The following TNRC6B variants were observed in gnomAD, a reference collection of about 807,000 sequenced individuals.
The protein encoded by TNRC6B is trinucleotide repeat-containing gene 6B protein.
In TNRC6B, 52 loss-of-function variants were observed where a neutral mutation model predicts 203.6. The observed-to-expected ratio is 0.26, with a 90% CI of 0.20 to 0.32. The LOEUF (loss-of-function observed/expected upper bound fraction) is 0.32. Among genes scored for constraint, TNRC6B ranks in the 10% least tolerant of loss-of-function variants. TNRC6B has a pLI of 1.00. For missense variants in TNRC6B, 1,923 were observed against 2,286.2 expected (o/e 0.84, Z 3.24); for synonymous variants, 838 against 845.7 (o/e 0.99, Z 0.16).
Position 40,322,967 on chromosome 22 carries a change from C to A in TNRC6B, c.5228C>A (p.Ala1743Asp). The A allele has an allele frequency of 1.2e-6, 2 of 1,612,776 alleles. No individual in the cohort carries two copies. Among genetic ancestry groups the A allele is most frequent in the Non-Finnish European group, 1.7e-6 (2 of 1,179,342 alleles). Residue 1743 changes from alanine (A) to aspartate (D), a missense_variant, in exon 23 of 23, where the codon GCT (alanine) becomes GAT (aspartate). By Grantham distance (126) the Ala-to-Asp change is moderately radical. Coordinates refer to ENST00000454349, the MANE Select transcript of TNRC6B (RefSeq NM_001162501.2). ...PTPAATPSAP[A>D]AGWQSLETGQ... is the part of the protein sequence containing the mutation. ...CCTGCAGCAACCCCAAGTGCGCCAG[C>A]TGCGGGGTGGCAGTCGCTGGAGACC...
chr22:40,145,431 A>G (rs898605659), intron 3 of TNRC6B, among the ~76,000 whole-genome samples: 6 of 152,184 alleles, frequency 3.9e-5, no homozygotes, highest in African/African-American at 7.2e-5. Flanking sequence ...CTGACTTCTC[A>G]GCTTTCAAAA....
At chr22:40,230,085 T>C (rs899914275) in intron 1 of TNRC6B, among the ~76,000 whole-genome samples, 6 of 152,154 alleles carry the variant, frequency 3.9e-5, no homozygotes, top group Admixed American at 1.3e-4. Context: ...CATGAGAGAG[T>C]TCCATTTGTT....
intron 16 of TNRC6B, 125 bp from the exon 17 acceptor site, chr22:40,310,692 T>C: frequency 2.1e-6 from 2 of 967,286 alleles, no homozygotes; most frequent in East Asian, 2.7e-5. Flanking sequence ...CAACCTCTTA[T>C]TCCAGTGCTG....
At chr22:40,085,103 G>A (rs1173690368) in intron 1 of TNRC6B, among the ~76,000 whole-genome samples, 1 of 152,204 alleles carries the variant, frequency 6.6e-6, no homozygotes, top group Admixed American at 6.5e-5. Context: ...TCAATAGCCT[G>A]TGGAAAGGCT....
rs1441059524 is a variant in TNRC6B, at chr22:40,321,201, G to C, written c.5086G>C (p.Ala1696Pro). The C allele has an allele frequency of 6.2e-7, 1 of 1,613,814 alleles. No homozygotes were observed. The highest frequency in any genetic ancestry group is 2.2e-5 in the East Asian group (1 of 44,898). Reference protein sequence around the residue: ...ALIRYSTKQEAAKAQTALHMC... With the variant: ...ALIRYSTKQEPAKAQTALHMC... ...GATCCGATACAGCACCAAACAGGAG[G>C]CGGCCAAGGCCCAAACTGCACTGCA... The change falls in exon 22 of 23, where the codon GCG becomes CCG. Residue 1696 changes from alanine (A) to proline (P), a missense_variant. Around this residue, in one of 8 missense-constraint regions of TNRC6B, gnomAD observed 34 missense variants for 98.5 expected, o/e 0.35. Coordinates refer to ENST00000454349, the MANE Select transcript of TNRC6B (RefSeq NM_001162501.2).
At chr22:40,117,230 TACAG>T (rs2068395810) in intron 2 of TNRC6B, 2 of 152,440 alleles carry the variant, frequency 1.3e-5, no homozygotes, top group African/African-American at 2.4e-5. Context: ...ACCAAGTTCT[TACAG>T]AAAGATATTT....
intron 3 of TNRC6B, among the ~76,000 whole-genome samples, chr22:40,144,666 C>G (rs1438928833): frequency 1.5e-5 from 2 of 135,966 alleles, no homozygotes; most frequent in Non-Finnish European, 3.1e-5. Flanking sequence ...CAGAGCAAGA[C>G]TCCGTCTCGG....
chr22:40,274,002 A>C (rs1414662373), intron 7 of TNRC6B, among the ~76,000 whole-genome samples: 1 of 152,146 alleles, frequency 6.6e-6, no homozygotes, highest in Non-Finnish European at 1.5e-5. Context: ...TCAAGGTCCT[A>C]AGTAAGGGGA....
chr22:40,319,873 C>T (rs534446811), intron 21 of TNRC6B, among the ~76,000 whole-genome samples: 2 of 152,290 alleles, frequency 1.3e-5, no homozygotes, highest in Admixed American at 6.5e-5. Context: ...GTGTTCCCCT[C>T]AGATAAAAGG....
At chr22:40,138,161 G>C (rs1487857734) in intron 3 of TNRC6B, among the ~76,000 whole-genome samples, 1 of 152,218 alleles carries the variant, frequency 6.6e-6, no homozygotes, top group Non-Finnish European at 1.5e-5. Context: ...GACAGGAGAA[G>C]CATACAGGAA....
chr22:40,295,615 C>G (rs1194377977), intron 12 of TNRC6B, among the ~76,000 whole-genome samples: 2 of 151,890 alleles, frequency 1.3e-5, no homozygotes, highest in African/African-American at 2.4e-5. Context: ...TGAGAAGATG[C>G]AATGGAGATG....
chr22:40,201,204 A>C (rs2069407724), intron 1 of TNRC6B, among the ~76,000 whole-genome samples: 1 of 152,192 alleles, frequency 6.6e-6, no homozygotes, highest in South Asian at 2.1e-4. Flanking sequence ...ATCTTTAAAA[A>C]AAATTTGGCT....
intron 12 of TNRC6B, among the ~76,000 whole-genome samples, chr22:40,299,852 C>T (rs1435497032): frequency 6.6e-6 from 1 of 152,204 alleles, no homozygotes; most frequent in Non-Finnish European, 1.5e-5. Flanking sequence ...AGGAGGGAAT[C>T]CTCTGTCGCC....
chr22:40,183,177 A>T (rs745496306), intron 1 of TNRC6B, among the ~76,000 whole-genome samples: 2 of 152,160 alleles, frequency 1.3e-5, no homozygotes, highest in South Asian at 2.1e-4. Context: ...AATGGGGATA[A>T]TATATTGTTG....
At chr22:40,210,965 T>A (rs1248567670) in intron 1 of TNRC6B, among the ~76,000 whole-genome samples, 1 of 152,164 alleles carries the variant, frequency 6.6e-6, no homozygotes, top group Admixed American at 6.5e-5. Context: ...AATGTCTCTA[T>A]ATATTGTCAG....
chr22:40,149,358 G>A (rs1026588118), intron 3 of TNRC6B, among the ~76,000 whole-genome samples: 1 of 152,078 alleles, frequency 6.6e-6, no homozygotes, highest in Non-Finnish European at 1.5e-5. Flanking sequence ...CCTAGGCAGG[G>A]TCACAGGAGA....
At chr22:40,073,288 G>C (rs5995808) in intron 1 of TNRC6B, among the ~76,000 whole-genome samples, 1 of 151,720 alleles carries the variant, frequency 6.6e-6, no homozygotes, top group African/African-American at 2.4e-5. Context: ...TATAGAACAC[G>C]TTTTTTGTTA....
chr22:40,292,540 A>G (rs1297492677), intron 12 of TNRC6B, among the ~76,000 whole-genome samples: 2 of 152,202 alleles, frequency 1.3e-5, no homozygotes, highest in Non-Finnish European at 2.9e-5. Flanking sequence ...GCTTTGTTAA[A>G]TGCCATATCG....
intron 1 of TNRC6B, among the ~76,000 whole-genome samples, chr22:40,055,404 G>A (rs1307043310): frequency 2.0e-5 from 3 of 151,766 alleles, no homozygotes; most frequent in East Asian, 1.9e-4. Context: ...ATGGGGGAGC[G>A]TTTTTAGTAT....
Sources: gnomAD v4.1 joint callset for allele counts (sites outside exome capture counted in the v4.1 genomes callset) on GRCh38, gnomAD v4.1.1 for gene constraint, gnomAD v4.1.1 regional missense constraint, MANE v1.5 for transcripts, NCBI Gene and HGNC (gene_info 2026-07-23, HGNC 2026-07-21) for gene names.